The following GPHN variants were observed in gnomAD, a reference collection of about 807,000 sequenced individuals.
The protein encoded by GPHN is gephyrin.
A neutral mutation model predicts 95.5 loss-of-function variants in GPHN; 17 were observed. The observed-to-expected ratio is 0.18, with a 90% confidence interval of 0.12 to 0.27. The LOEUF is 0.27. Among genes scored for constraint, GPHN ranks in the 10% least tolerant of loss-of-function variants. The pLI, the probability that GPHN is intolerant of heterozygous loss-of-function variation, is 1.00. For missense variants in GPHN, 660 were observed against 978.1 expected (o/e 0.67, Z 4.34); for synonymous variants, 320 against 322.5 (o/e 0.99, Z 0.08).
intron 6 of GPHN, 68 bp downstream of exon 6, chr14:66,916,137 C>T (rs1037202467): frequency 6.6e-6 from 7 of 1,057,712 alleles, no homozygotes; most frequent in East Asian, 4.8e-5. Flanking sequence ...GTTAGCCAGC[C>T]AAAAAGTTGG....
chr14:66,822,399 C>A (rs1044413487), intron 3 of GPHN, among the ~76,000 whole-genome samples: 1 of 152,106 alleles, frequency 6.6e-6, no homozygotes, highest in Non-Finnish European at 1.5e-5. Context: ...TTTAAAAATC[C>A]CAGTCAGTGC....
At chr14:66,784,854 G>T (rs534447153) in intron 3 of GPHN, among the ~76,000 whole-genome samples, 77 of 152,200 alleles carry the variant, frequency 5.1e-4, no homozygotes, top group Non-Finnish European at 7.1e-4. Context: ...TAATAAAATG[G>T]CAGACTTAAG....
At chr14:67,519,569 GT>G in the GPHN span, among the ~76,000 whole-genome samples, 1 of 152,150 alleles carries the variant, frequency 6.6e-6, no homozygotes, top group Non-Finnish European at 1.5e-5. Context: ...ACTGCACATC[GT>G]GATTAGAGGC....
chr14:66,538,347 G>A (rs900823687), intron 1 of GPHN, among the ~76,000 whole-genome samples: 8 of 151,520 alleles, frequency 5.3e-5, no homozygotes, highest in Admixed American at 3.9e-4. Flanking sequence ...ATCAGCCTTG[G>A]AAAAATTTGT....
chr14:67,616,084 G>A, the GPHN span: 48 of 288,178 alleles, frequency 1.7e-4, 1 homozygote, highest in Non-Finnish European at 2.8e-5. Flanking sequence ...GAAGAAGATG[G>A]TGATGATGAA....
chr14:66,779,004 A>G (rs2059505230), intron 3 of GPHN, among the ~76,000 whole-genome samples: 1 of 152,068 alleles, frequency 6.6e-6, no homozygotes. Context: ...TCGGCCTCCC[A>G]AAGTGCTGGG....
the GPHN span, chr14:67,376,448 A>T: frequency 6.2e-7 from 1 of 1,608,028 alleles, no homozygotes; most frequent in Non-Finnish European, 8.5e-7. Context: ...GGTTTATAGC[A>T]TTCTTCGTCA....
chr14:67,350,603 C>A, the GPHN span: 1 of 1,611,908 alleles, frequency 6.2e-7, no homozygotes, highest in Non-Finnish European at 8.5e-7. Context: ...CCCGTTTAGT[C>A]CCCTTACCTG....
the GPHN span, chr14:67,333,248 C>G: frequency 4.2e-6 from 1 of 238,726 alleles, no homozygotes; most frequent in Admixed American, 5.1e-5. Context: ...TTTGTTTTCA[C>G]CTAAACCCTT....
At chr14:67,609,912 T>A in the GPHN span, among the ~76,000 whole-genome samples, 1 of 126,096 alleles carries the variant, frequency 7.9e-6, no homozygotes. Context: ...GCTCCTGTCC[T>A]GGAAACGCTG....
Position 66,634,757 on chromosome 14 carries a change from T to A in GPHN, c.65-46350T>A, listed in dbSNP as rs11624733. Among the ~76,000 whole-genome samples, 524 of 152,286 alleles carry A rather than the reference T, an allele frequency of 3.4e-3. 1 individual carries two copies. The highest frequency in any genetic ancestry group is 6.1e-3 in the Non-Finnish European group (416 of 68,014). ...GAACCAGCTATAAGATTGCTTTTTT[T>A]AAAATTAAATATTAAGAGCCTTTCT... On this transcript the variant is annotated intron_variant, in intron 1 of 22. Coordinates refer to ENST00000478722, the MANE Select transcript of GPHN (RefSeq NM_020806.5).
chr14:67,308,330 T>C, the GPHN span, among the ~76,000 whole-genome samples: 1 of 143,962 alleles, frequency 6.9e-6, no homozygotes, highest in Admixed American at 6.9e-5. Context: ...TTTTTTTTTC[T>C]TTTTTTTCTC....
At chr14:67,559,776 T>C in the GPHN span, 2 of 848,908 alleles carry the variant, frequency 2.4e-6, no homozygotes, top group Non-Finnish European at 3.9e-6. Context: ...CCCTACTGTC[T>C]AGGGTGCCTC....
At chr14:67,054,060 G>T (rs563728954) in intron 10 of GPHN, among the ~76,000 whole-genome samples, 13 of 152,232 alleles carry the variant, frequency 8.5e-5, no homozygotes, top group Non-Finnish European at 1.8e-4. Flanking sequence ...ACAAGACAAG[G>T]ATGCCTTCTC....
the GPHN span, among the ~76,000 whole-genome samples, chr14:67,438,372 A>T: frequency 6.6e-6 from 1 of 152,160 alleles, no homozygotes. Context: ...AGAATTGTAG[A>T]TTTCTGACTG....
chr14:67,451,833 C>T, the GPHN span, among the ~76,000 whole-genome samples: 30 of 152,104 alleles, frequency 2.0e-4, no homozygotes, highest in African/African-American at 5.8e-4. Context: ...TTTTGAAATG[C>T]GAAGATAGGA....
At chr14:67,193,541 ATATATCTATATATAGATCTATATC>A in the GPHN span, among the ~76,000 whole-genome samples, 89 of 144,466 alleles carry the variant, frequency 6.2e-4, 1 homozygote, top group East Asian at 7.0e-3. Flanking sequence ...CTATAGAAAT[ATATATCTATATATAGATCTATATC>A]TATATAGATC....
chr14:67,579,927 G>A, the GPHN span: 20 of 1,521,878 alleles, frequency 1.3e-5, no homozygotes, highest in Non-Finnish European at 1.8e-5. Context: ...CAGGGATATT[G>A]GTGGTGGGGA....
At chr14:67,107,570 C>T (rs574012216) in intron 13 of GPHN, among the ~76,000 whole-genome samples, 2 of 152,278 alleles carry the variant, frequency 1.3e-5, no homozygotes, top group Admixed American at 6.5e-5. Context: ...GGCCGCAGCT[C>T]AGGAACCAGA....
Sources: gnomAD v4.1 joint callset for allele counts (sites outside exome capture counted in the v4.1 genomes callset) on GRCh38, gnomAD v4.1.1 for gene constraint, MANE v1.5 for transcripts, NCBI Gene and HGNC (gene_info 2026-07-23, HGNC 2026-07-21) for gene names.